The following SCTR variants were observed in gnomAD, a reference collection of about 807,000 sequenced individuals.
SCTR encodes the protein pancreatic secretin receptor.
Under a neutral mutation model 60.8 loss-of-function variants are expected in SCTR, and 56 were observed. The observed-to-expected ratio is 0.92, with a 90% confidence interval of 0.74 to 1.15. The LOEUF (loss-of-function observed/expected upper bound fraction) is 1.15. Ranked by LOEUF, SCTR falls within the 50% of genes most tolerant of loss-of-function variation. The pLI is 0.00. For synonymous variants in SCTR, 202 were observed against 217.0 expected (o/e 0.93, Z 0.61); for missense variants, 562 against 550.4 (o/e 1.02, Z -0.21).
At chr2:119,501,681 C>A (rs1414398928) in intron 1 of SCTR, among the ~76,000 whole-genome samples, 1 of 152,096 alleles carries the variant, frequency 6.6e-6, no homozygotes, top group African/African-American at 2.4e-5. Flanking sequence ...ATCCCAATTA[C>A]CCTGACTTGA....
intron 1 of SCTR, among the ~76,000 whole-genome samples, chr2:119,503,721 C>T (rs73951154): frequency 0.085 from 12,907 of 151,992 alleles, 822 homozygotes; most frequent in East Asian, 0.38. Flanking sequence ...ACTGTAATAG[C>T]GGATACATGT....
intron 4 of SCTR, among the ~76,000 whole-genome samples, chr2:119,471,940 G>T (rs1558855163): frequency 6.6e-6 from 1 of 152,182 alleles, no homozygotes; most frequent in Non-Finnish European, 1.5e-5. Flanking sequence ...TAATACAATT[G>T]CGCATCAAGC....
chr2:119,459,554 C>T (rs1313481122), intron 7 of SCTR, among the ~76,000 whole-genome samples: 1 of 152,172 alleles, frequency 6.6e-6, no homozygotes, highest in Non-Finnish European at 1.5e-5. Context: ...GATAGAGGGG[C>T]TTCAGGCCTT....
chr2:119,461,668 G>A (rs1486737580), intron 7 of SCTR, among the ~76,000 whole-genome samples, 179 bp downstream of exon 7: 2 of 142,590 alleles, frequency 1.4e-5, no homozygotes, highest in East Asian at 4.1e-4. Flanking sequence ...CCAAGATCAT[G>A]CCATTGCACT....
At chr2:119,511,538 T>C (rs1429900330) in intron 1 of SCTR, among the ~76,000 whole-genome samples, 1 of 152,222 alleles carries the variant, frequency 6.6e-6, no homozygotes. Flanking sequence ...CATGTACATA[T>C]GGCTAATTTT....
chr2:119,478,754 CCA>C, intron 3 of SCTR, 55 bp downstream of exon 3: 1 of 1,559,736 alleles, frequency 6.4e-7, no homozygotes, highest in Non-Finnish European at 8.8e-7. Context: ...AGCTGAGGCC[CCA>C]CCCAGAGGGA....
intron 2 of SCTR, among the ~76,000 whole-genome samples, chr2:119,489,649 A>C (rs1678038212): frequency 1.3e-5 from 2 of 152,306 alleles, no homozygotes. Flanking sequence ...GAGTCTGAAA[A>C]GGTGGGTAGC....
At chr2:119,443,570 G>A (rs965651892) in intron 11 of SCTR, among the ~76,000 whole-genome samples, 3 of 151,228 alleles carry the variant, frequency 2.0e-5, no homozygotes, top group Admixed American at 6.6e-5. Flanking sequence ...TTTTGGAGAC[G>A]GAGTCTCGCT....
chr2:119,478,988 T>C, intron 2 of SCTR, 70 bp from the exon 3 acceptor site: 1 of 1,594,970 alleles, frequency 6.3e-7, no homozygotes, highest in Non-Finnish European at 8.6e-7. Context: ...CCTGTCCACA[T>C]CACCGACACC....
intron 1 of SCTR, among the ~76,000 whole-genome samples, chr2:119,517,444 G>T (rs1389233448): frequency 6.6e-6 from 1 of 152,178 alleles, no homozygotes. Context: ...ACAGGAGTGA[G>T]CCACCGTGCT....
At chr2:119,502,954 A>T (rs1334936291) in intron 1 of SCTR, among the ~76,000 whole-genome samples, 1 of 151,490 alleles carries the variant, frequency 6.6e-6, no homozygotes, top group East Asian at 1.9e-4. Context: ...GATCGAGACC[A>T]TCCTGGCTAA....
intron 4 of SCTR, among the ~76,000 whole-genome samples, chr2:119,468,796 G>A (rs1558852268): frequency 6.6e-6 from 1 of 152,184 alleles, no homozygotes; most frequent in Non-Finnish European, 1.5e-5. Flanking sequence ...ATTTCCAGAG[G>A]AGGGTGATTG....
At chr2:119,467,868 C>T (rs1202505671) in intron 4 of SCTR, among the ~76,000 whole-genome samples, 1 of 152,110 alleles carries the variant, frequency 6.6e-6, no homozygotes. Context: ...TTTACATGTG[C>T]AATGTGATTC....
rs750796731 is a variant in SCTR, at chr2:119,478,556, G to A, written c.301+255C>T. 2.2e-4 allele frequency among the ~76,000 whole-genome samples: 33 copies of A among 152,316 alleles called. No homozygotes were observed. The Middle Eastern group carries it at 0.01, about 47-fold the overall frequency. On this transcript the variant is annotated intron_variant, in intron 3 of 12. Transcript: ENST00000019103. The stretch of plus-strand genomic sequence containing the variant: ...GCTCCTAGCTGAAGGGCCTGGGGAA[G>A]ACAGAAGCAGGCCCAGCCTCCCTTA...
intron 1 of SCTR, among the ~76,000 whole-genome samples, chr2:119,508,920 C>T (rs1678848127): frequency 6.6e-6 from 1 of 152,172 alleles, no homozygotes; most frequent in African/African-American, 2.4e-5. Flanking sequence ...ATTGCGTCCT[C>T]TTGATGTTAA....
chr2:119,523,456 C>T (rs187720928), intron 1 of SCTR, among the ~76,000 whole-genome samples: 1,525 of 150,056 alleles, frequency 0.01, 10 homozygotes, highest in South Asian at 0.022. Context: ...TCCTCCAGCC[C>T]CTTGCCAGGA....
intron 4 of SCTR, among the ~76,000 whole-genome samples, chr2:119,469,080 G>T (rs1218330120): frequency 6.6e-6 from 1 of 152,160 alleles, no homozygotes; most frequent in African/African-American, 2.4e-5. Flanking sequence ...AGAGCCAGGA[G>T]TCACCTCTCA....
intron 1 of SCTR, among the ~76,000 whole-genome samples, chr2:119,506,349 T>G (rs1678738909): frequency 6.6e-6 from 1 of 152,184 alleles, no homozygotes. Context: ...TATTGATATA[T>G]GCACCAACCT....
chr2:119,495,356 G>A (rs1430446837), intron 1 of SCTR: 3 of 152,282 alleles, frequency 2.0e-5, no homozygotes, highest in Admixed American at 2.0e-4. Context: ...CGACTGCAGG[G>A]AGGAGTTGGA....
Sources: allele counts gnomAD v4.1 joint callset (sites outside exome capture counted in the v4.1 genomes callset), GRCh38; gene constraint gnomAD v4.1.1; transcripts MANE v1.5; gene names NCBI Gene and HGNC (gene_info 2026-07-23, HGNC 2026-07-21).